Variants in PDE4D observed in about 807,000 individuals in gnomAD.
PDE4D encodes the protein 3',5'-cyclic-AMP phosphodiesterase 4D.
In PDE4D, 24 loss-of-function variants were observed where a neutral mutation model predicts 87.4. The observed-to-expected ratio is 0.27, with a 90% CI of 0.20 to 0.39. The LOEUF is 0.39. Among genes scored for constraint, PDE4D ranks in the 10% least tolerant of loss-of-function variants. The probability of loss-of-function intolerance (pLI) is 1.00; values close to 1 mark genes in which losing one functional copy is unlikely to be tolerated. For synonymous variants in PDE4D, 384 were observed against 383.2 expected, an observed-to-expected ratio of 1.00 and a Z score of -0.02; for missense variants, 714 against 1,041.0, an observed-to-expected ratio of 0.69 and a Z score of 4.32.
At chr5:59,316,434 T>TG (rs1414380415) in intron 1 of PDE4D, among the ~76,000 whole-genome samples, 1 of 152,158 alleles carries the variant, frequency 6.6e-6, no homozygotes, top group African/African-American at 2.4e-5. Context: ...AGGTGAGTGT[T>TG]GCTATATACT....
intron 2 of PDE4D, among the ~76,000 whole-genome samples, chr5:60,138,743 A>G (rs1780263239): frequency 1.3e-5 from 2 of 152,202 alleles, no homozygotes; most frequent in South Asian, 4.1e-4. Context: ...TTCTGTGGCC[A>G]CTATTAAAAA....
intron 6 of PDE4D, among the ~76,000 whole-genome samples, chr5:59,008,969 A>G (rs911483496): frequency 1.3e-5 from 2 of 152,136 alleles, no homozygotes; most frequent in Non-Finnish European, 2.9e-5. Flanking sequence ...ATGTGAAAAG[A>G]TCCATGACCA....
chr5:59,779,555 C>T (rs918973802), intron 1 of PDE4D, among the ~76,000 whole-genome samples: 3 of 152,164 alleles, frequency 2.0e-5, no homozygotes, highest in African/African-American at 7.2e-5. Flanking sequence ...CGTGTGATAT[C>T]ATAAATAATT....
At chr5:60,207,437 A>T (rs575900723) in intron 1 of PDE4D, among the ~76,000 whole-genome samples, 8 of 152,332 alleles carry the variant, frequency 5.3e-5, no homozygotes, top group African/African-American at 1.9e-4. Flanking sequence ...CAGCTAACAG[A>T]GGATGAATAA....
chr5:59,860,828 C>G (rs1746143443), intron 1 of PDE4D, among the ~76,000 whole-genome samples: 1 of 151,726 alleles, frequency 6.6e-6, no homozygotes, highest in African/African-American at 2.4e-5. Flanking sequence ...CTAACATAAC[C>G]TTGTTGTTCG....
chr5:59,678,676 G>T (rs975564637), intron 1 of PDE4D, among the ~76,000 whole-genome samples: 2 of 152,090 alleles, frequency 1.3e-5, no homozygotes, highest in Non-Finnish European at 2.9e-5. Flanking sequence ...TGTTGGTCAG[G>T]CTGGTCTTAA....
chr5:59,597,735 T>G (rs1181235186), intron 1 of PDE4D, among the ~76,000 whole-genome samples: 3 of 152,158 alleles, frequency 2.0e-5, no homozygotes, highest in Admixed American at 2.0e-4. Context: ...ATTAATAGTT[T>G]CAAAGTCACT....
intron 3 of PDE4D, among the ~76,000 whole-genome samples, chr5:59,934,070 G>A (rs1408840305): frequency 9.2e-5 from 14 of 152,012 alleles, no homozygotes; most frequent in Middle Eastern, 3.4e-3. Context: ...TGCAACTTCC[G>A]CCTCCCAGGC....
chr5:59,318,549 G>T (rs1413846965), intron 1 of PDE4D, among the ~76,000 whole-genome samples: 1 of 152,090 alleles, frequency 6.6e-6, no homozygotes, highest in South Asian at 2.1e-4. Flanking sequence ...ATACACAAAA[G>T]AAGCCATTTT....
At chr5:60,090,400 T>C (rs535361896) in intron 2 of PDE4D, among the ~76,000 whole-genome samples, 9 of 152,164 alleles carry the variant, frequency 5.9e-5, no homozygotes, top group Non-Finnish European at 1.2e-4. Flanking sequence ...ATGTGATACA[T>C]TGTATCAACA....
intron 3 of PDE4D, among the ~76,000 whole-genome samples, chr5:59,905,520 C>T (rs904193709): frequency 3.9e-5 from 6 of 152,114 alleles, no homozygotes; most frequent in Non-Finnish European, 5.9e-5. Flanking sequence ...ATGGGCATTA[C>T]AGCCAGAACG....
At chr5:59,871,868 C>T (rs1747864188) in intron 1 of PDE4D, among the ~76,000 whole-genome samples, 1 of 152,062 alleles carries the variant, frequency 6.6e-6, no homozygotes, top group Non-Finnish European at 1.5e-5. Context: ...ACTTACTGCC[C>T]CTCATCCCTT....
At chr5:60,239,522 C>T (rs75860049) in intron 1 of PDE4D, among the ~76,000 whole-genome samples, 2 of 152,172 alleles carry the variant, frequency 1.3e-5, no homozygotes, top group African/African-American at 2.4e-5. Context: ...TAAATGAATA[C>T]AGAAAGAATT....
At chr5:59,469,291 G>A (rs1445615904) in intron 1 of PDE4D, among the ~76,000 whole-genome samples, 6 of 152,008 alleles carry the variant, frequency 3.9e-5, no homozygotes, top group African/African-American at 9.7e-5. Context: ...TCACGCCACC[G>A]CACTCCAGCC....
intron 1 of PDE4D, among the ~76,000 whole-genome samples, chr5:59,880,823 A>C (rs1749327777): frequency 6.6e-6 from 1 of 152,164 alleles, no homozygotes; most frequent in African/African-American, 2.4e-5. Flanking sequence ...GTTTTCCCTA[A>C]ATACATTTTT....
chr5:59,770,604 C>T (rs564657944), intron 1 of PDE4D, among the ~76,000 whole-genome samples: 23 of 151,922 alleles, frequency 1.5e-4, no homozygotes, highest in Non-Finnish European at 2.8e-4. Flanking sequence ...ACAAAACAAA[C>T]GACAACAAAA....
At position 60,208,678 on chromosome 5, in the gene PDE4D, T is replaced by C. The variant is rs116344185; in HGVS notation, c.-89-22991A>G. On this transcript the variant is annotated intron_variant, in intron 1 of 16. Transcript: ENST00000502484. ...CCCAGCCTCAGAATCCTGTCTCCCA[T>C]TGTATTCTTATAAGCAGCAACAATG... 1.7e-3 allele frequency among the ~76,000 whole-genome samples: 262 copies of C among 152,278 alleles called. 1 individual carries two copies. Among genetic ancestry groups the C allele is most frequent in the African/African-American group, 6.1e-3 (253 of 41,544 alleles).
chr5:59,085,412 T>C (rs1276785695), intron 5 of PDE4D, among the ~76,000 whole-genome samples: 1 of 152,186 alleles, frequency 6.6e-6, no homozygotes, highest in African/African-American at 2.4e-5. Flanking sequence ...GGCATAATTA[T>C]TGACAGTTCG....
chr5:60,122,547 C>A (rs1033047031), intron 2 of PDE4D, among the ~76,000 whole-genome samples: 6 of 152,226 alleles, frequency 3.9e-5, no homozygotes, highest in Non-Finnish European at 5.9e-5. Flanking sequence ...ACTTTGGCCC[C>A]TTTTAGTCAC....
Sources: gnomAD v4.1 joint callset for allele counts (sites outside exome capture counted in the v4.1 genomes callset) on GRCh38, gnomAD v4.1.1 for gene constraint, MANE v1.5 for transcripts, NCBI Gene and HGNC (gene_info 2026-07-23, HGNC 2026-07-21) for gene names.